GRAMD2B: variants seen among roughly 807,000 people sequenced by gnomAD.
GRAMD2B encodes the protein GRAM domain-containing protein 2B.
GRAMD2B carries 41 observed loss-of-function variants against 59.2 expected under a neutral mutation model. The observed-to-expected ratio is 0.69, with a 90% CI of 0.54 to 0.90. The LOEUF is 0.90. Ranked by LOEUF, GRAMD2B falls within the 40% of genes least tolerant of loss-of-function variation. The pLI is 0.00. For missense variants in GRAMD2B, 424 were observed against 500.5 expected (o/e 0.85, Z 1.46); for synonymous variants, 161 against 182.7 (o/e 0.88, Z 0.96).
intron 6 of GRAMD2B, among the ~76,000 whole-genome samples, chr5:126,478,140 G>GAAAAAA (rs11376080): frequency 7.9e-6 from 1 of 126,872 alleles, no homozygotes; most frequent in Admixed American, 8.3e-5. Flanking sequence ...GTCTTAAAGG[G>GAAAAAA]AAAAAAAAAA....
chr5:126,461,133 A>G (rs1767278899), intron 1 of GRAMD2B, among the ~76,000 whole-genome samples: 1 of 152,188 alleles, frequency 6.6e-6, no homozygotes, highest in Non-Finnish European at 1.5e-5. Flanking sequence ...TTCACCTGAG[A>G]CACAGCTGAA....
At chr5:126,369,869 G>T (rs1278092232), upstream of GRAMD2B, among the ~76,000 whole-genome samples, 1 of 152,210 alleles carries the variant, frequency 6.6e-6, no homozygotes, top group Non-Finnish European at 1.5e-5. Context: ...TTGTTTACAA[G>T]GAGCAGAAAC....
intron 1 of GRAMD2B, among the ~76,000 whole-genome samples, chr5:126,386,250 T>A (rs938685482): frequency 1.3e-5 from 2 of 152,300 alleles, no homozygotes; most frequent in Non-Finnish European, 2.9e-5. Context: ...CCACCCAGGA[T>A]CTGTCTGCTG....
intron 1 of GRAMD2B, among the ~76,000 whole-genome samples, chr5:126,450,420 C>T (rs150532389): frequency 1.3e-3 from 201 of 152,128 alleles, no homozygotes; most frequent in African/African-American, 4.5e-3. Context: ...ATTAGCATAT[C>T]AGCATAAACA....
intron 1 of GRAMD2B, among the ~76,000 whole-genome samples, chr5:126,407,826 G>A (rs1032455538): frequency 1.3e-5 from 2 of 151,956 alleles, no homozygotes; most frequent in Non-Finnish European, 2.9e-5. Flanking sequence ...AACCAATAAT[G>A]GATATGAATT....
At chr5:126,446,267 G>A (rs1299370627) in intron 1 of GRAMD2B, among the ~76,000 whole-genome samples, 1 of 152,270 alleles carries the variant, frequency 6.6e-6, no homozygotes, top group Non-Finnish European at 1.5e-5. Flanking sequence ...TCTGGGATTT[G>A]TCTCAAAACC....
chr5:126,360,178 C>A, exon 1 of GRAMD2B: 1 of 795,076 alleles, frequency 1.3e-6, no homozygotes, highest in Non-Finnish European at 2.0e-6. Context: ...TCCCTCTGAG[C>A]AGACGCTGAA....
At chr5:126,404,125 G>A (rs1006783571) in intron 1 of GRAMD2B, among the ~76,000 whole-genome samples, 7 of 151,784 alleles carry the variant, frequency 4.6e-5, no homozygotes, top group African/African-American at 1.5e-4. Context: ...TTCTCTGAGT[G>A]GAAATCAAAA....
At chr5:126,456,303 T>C (rs1766272569) in intron 1 of GRAMD2B, among the ~76,000 whole-genome samples, 1 of 152,046 alleles carries the variant, frequency 6.6e-6, no homozygotes. Context: ...CTCGAACCCC[T>C]GAGCTCAAGT....
intron 1 of GRAMD2B, among the ~76,000 whole-genome samples, chr5:126,374,459 C>T (rs72782462): frequency 0.012 from 1,756 of 152,196 alleles, 18 homozygotes; most frequent in South Asian, 0.018. Flanking sequence ...ATACTCCAGA[C>T]GCTGATCTTT....
chr5:126,363,294 G>A (rs1754303120), intron 1 of GRAMD2B, among the ~76,000 whole-genome samples: 1 of 151,844 alleles, frequency 6.6e-6, no homozygotes, highest in African/African-American at 2.4e-5. Context: ...CACTCGAATG[G>A]CTATATCAAA....
Position 126,483,451 on chromosome 5 carries a change from G to C in GRAMD2B, c.736-12G>C. 1 of 1,546,924 alleles carries C rather than the reference G, an allele frequency of 6.5e-7. No homozygotes were observed. Among genetic ancestry groups the C allele is most frequent in the Non-Finnish European group, 8.9e-7 (1 of 1,119,538 alleles). On this transcript the variant is annotated splice_polypyrimidine_tract_variant and intron_variant, in intron 8 of 13. Transcript: ENST00000285689. ...AATATCAGCCTGTCTTCATTTCACT[G>C]TTTCCTTTCAGGATTTCAATGATGA... is the stretch of plus-strand genomic sequence containing the variant.
At chr5:126,387,965 T>G (rs1333650186) in intron 1 of GRAMD2B, among the ~76,000 whole-genome samples, 1 of 152,214 alleles carries the variant, frequency 6.6e-6, no homozygotes, top group Non-Finnish European at 1.5e-5. Flanking sequence ...AATTCAATAT[T>G]CATTGTTTGC....
chr5:126,413,839 TC>T (rs1759038173), intron 1 of GRAMD2B, among the ~76,000 whole-genome samples: 1 of 152,230 alleles, frequency 6.6e-6, no homozygotes, highest in Middle Eastern at 3.4e-3. Context: ...GAACTTTTTA[TC>T]CCTAATGATT....
At chr5:126,370,277 C>A (rs1296585439), upstream of GRAMD2B, among the ~76,000 whole-genome samples, 1 of 152,200 alleles carries the variant, frequency 6.6e-6, no homozygotes, top group Non-Finnish European at 1.5e-5. Context: ...GCAGCACAGA[C>A]CTGTCCCTGC....
chr5:126,465,487 TC>T lies in GRAMD2B; in HGVS notation c.149del (p.Pro50LeufsTer29). The T allele has an allele frequency of 6.2e-7, 1 of 1,613,962 alleles. No individual in the cohort carries two copies. Among genetic ancestry groups the T allele is most frequent in the Middle Eastern group, 1.6e-4 (1 of 6,062 alleles). On this transcript the variant is annotated frameshift_variant, in exon 2 of 14. Transcript: ENST00000285689. LOFTEE classifies it high-confidence loss of function. ...AGCCTGCAGGTCGCCAACAGCCCAA[TC>T]CCCTACCCCATCTGTGGAGGCGGAC... ...KKACRSPTAQSPTPSVEADSP... is the reference protein window; with the variant it reads ...KKACRSPTAQXPTPSVEADSP...
rs538085172 is a variant in GRAMD2B, at chr5:126,451,543, C to CT, written c.84-13876dup. ...ACCATTGTATCTTGGAAGTAAATAA[C>CT]TTTTTTTATTTTACAGGCTCATTAG... On this transcript the variant is annotated intron_variant, in intron 1 of 13. Coordinates refer to ENST00000285689, the MANE Select transcript of GRAMD2B (RefSeq NM_023927.4). Among the ~76,000 whole-genome samples, 140 of 152,186 alleles carry CT rather than the reference C, an allele frequency of 9.2e-4. 4 individuals are homozygous for CT. The South Asian group carries it at 0.028, about 30-fold the overall frequency.
chr5:126,395,137 A>G (rs1757251952), intron 1 of GRAMD2B, among the ~76,000 whole-genome samples: 1 of 152,172 alleles, frequency 6.6e-6, no homozygotes, highest in Admixed American at 6.5e-5. Context: ...TAGAATAATA[A>G]TGTTTTATAA....
At chr5:126,392,633 GT>G in intron 1 of GRAMD2B, among the ~76,000 whole-genome samples, 3 of 151,342 alleles carry the variant, frequency 2.0e-5, no homozygotes, top group African/African-American at 7.3e-5. Flanking sequence ...CCAGGGATTG[GT>G]TTTGGGGAAA....
Sources: gnomAD v4.1 joint callset for allele counts (sites outside exome capture counted in the v4.1 genomes callset) on GRCh38, gnomAD v4.1.1 for gene constraint, MANE v1.5 for transcripts, NCBI Gene and HGNC (gene_info 2026-07-23, HGNC 2026-07-21) for gene names.